The following NYAP2 variants were observed in gnomAD, a reference collection of about 807,000 sequenced individuals.
NYAP2 encodes the protein neuronal tyrosine-phosphorylated phosphoinositide-3-kinase adapter 2.
NYAP2 carries 23 observed loss-of-function variants against 50.4 expected under a neutral mutation model. The observed-to-expected ratio is 0.46, with a 90% CI of 0.33 to 0.65. The LOEUF is 0.65. Among genes scored for constraint, NYAP2 ranks in the 30% least tolerant of loss-of-function variants. The probability of loss-of-function intolerance (pLI) is 0.02; values close to 1 mark genes in which losing one functional copy is unlikely to be tolerated. For synonymous variants in NYAP2, 394 were observed against 365.2 expected (o/e 1.08, Z -0.90); for missense variants, 885 against 861.0 (o/e 1.03, Z -0.35).
intron 3 of NYAP2, among the ~76,000 whole-genome samples, chr2:225,492,026 GC>G (rs1039797119): frequency 2.6e-5 from 4 of 152,192 alleles, no homozygotes; most frequent in Non-Finnish European, 5.9e-5. Context: ...TGAGTCCAGG[GC>G]CTGGGTAGGA....
intron 4 of NYAP2, among the ~76,000 whole-genome samples, chr2:225,525,566 C>T (rs758459106): frequency 2.6e-5 from 4 of 152,048 alleles, no homozygotes; most frequent in Non-Finnish European, 5.9e-5. Context: ...GGGAGCCAAA[C>T]AATGGGTACA....
chr2:225,663,839 A>G, the NYAP2 span, among the ~76,000 whole-genome samples: 94 of 151,168 alleles, frequency 6.2e-4, no homozygotes, highest in African/African-American at 2.1e-3. Flanking sequence ...TACAGATGTG[A>G]ACCACTGCGC....
intron 3 of NYAP2, among the ~76,000 whole-genome samples, chr2:225,505,782 G>A (rs1235669466): frequency 1.3e-5 from 2 of 152,218 alleles, no homozygotes; most frequent in African/African-American, 4.8e-5. Context: ...TTTAGTAGTT[G>A]ATATACCTGA....
chr2:225,429,568 CTT>C (rs976742573), intron 3 of NYAP2, among the ~76,000 whole-genome samples: 1 of 152,032 alleles, frequency 6.6e-6, no homozygotes, highest in African/African-American at 2.4e-5. Flanking sequence ...TAAAATGAAA[CTT>C]TTTTGCATAG....
chr2:225,583,836 C>T (rs1692343779), intron 5 of NYAP2, among the ~76,000 whole-genome samples: 1 of 152,296 alleles, frequency 6.6e-6, no homozygotes, highest in African/African-American at 2.4e-5. Flanking sequence ...GCCAGGCGAT[C>T]AAGACCATCC....
intron 3 of NYAP2, among the ~76,000 whole-genome samples, chr2:225,433,108 T>C (rs751027519): frequency 3.3e-5 from 5 of 152,208 alleles, no homozygotes; most frequent in Non-Finnish European, 7.3e-5. Context: ...AAAAAACCTA[T>C]AAAATGTAAT....
At chr2:225,638,733 C>T (rs552840804) in intron 6 of NYAP2, among the ~76,000 whole-genome samples, 14 of 152,306 alleles carry the variant, frequency 9.2e-5, no homozygotes, top group African/African-American at 3.1e-4. Flanking sequence ...CCTTTCCCAG[C>T]CAGAGGGTGA....
chr2:225,678,032 T>C, the NYAP2 span, among the ~76,000 whole-genome samples: 1 of 152,078 alleles, frequency 6.6e-6, no homozygotes, highest in Non-Finnish European at 1.5e-5. Context: ...TACCTATGAG[T>C]CCATCTGGTC....
At chr2:225,573,469 C>A (rs1037308396) in intron 4 of NYAP2, among the ~76,000 whole-genome samples, 1 of 151,968 alleles carries the variant, frequency 6.6e-6, no homozygotes, top group African/African-American at 2.4e-5. Flanking sequence ...TCAGGCTGGT[C>A]TCGAACTTAT....
At chr2:225,461,071 AT>A (rs1175694979) in intron 3 of NYAP2, among the ~76,000 whole-genome samples, 2 of 148,920 alleles carry the variant, frequency 1.3e-5, no homozygotes, top group African/African-American at 5.0e-5. Flanking sequence ...CATGGTGGGG[AT>A]TGTTCATAAA....
chr2:225,602,029 C>G (rs1226695791), intron 5 of NYAP2, among the ~76,000 whole-genome samples: 1 of 152,132 alleles, frequency 6.6e-6, no homozygotes, highest in Non-Finnish European at 1.5e-5. Context: ...GGAGCATGGG[C>G]ACCAAAGTTG....
rs1002291525 is a variant in NYAP2 at position 225,628,765 on chromosome 2, C to T, written c.1828+1639C>T. 5.3e-5 allele frequency among the ~76,000 whole-genome samples: 8 copies of T among 152,186 alleles called. No homozygotes were observed. In the East Asian group the frequency reaches 1.2e-3, roughly 22 times the overall value. On this transcript the variant is annotated intron_variant, in intron 6 of 6. Transcript: ENST00000636099. ...ATTTGTACCAATTCTATTGAAAATA[C>T]GTGAACAATATATACTTCTATTGTG...
intron 3 of NYAP2, among the ~76,000 whole-genome samples, chr2:225,439,471 G>T (rs1380071646): frequency 2.0e-5 from 3 of 152,200 alleles, no homozygotes; most frequent in Non-Finnish European, 4.4e-5. Context: ...GTGGAGAGTT[G>T]TGGGTCACTA....
At chr2:225,616,443 C>T (rs1692993192) in intron 5 of NYAP2, among the ~76,000 whole-genome samples, 1 of 152,182 alleles carries the variant, frequency 6.6e-6, no homozygotes, top group South Asian at 2.1e-4. Context: ...CAGCACTTGC[C>T]TGGGCTTGTA....
At chr2:225,463,903 C>A (rs201396586) in intron 3 of NYAP2, among the ~76,000 whole-genome samples, 3 of 131,124 alleles carry the variant, frequency 2.3e-5, no homozygotes, top group Non-Finnish European at 4.8e-5. Context: ...CCTGGTTACC[C>A]TCTGGAGCTA....
chr2:225,695,193 T>A, the NYAP2 span, among the ~76,000 whole-genome samples: 1 of 151,822 alleles, frequency 6.6e-6, no homozygotes, highest in Non-Finnish European at 1.5e-5. Context: ...TATACATATA[T>A]GAAATGTTAT....
At chr2:225,702,144 C>A in the NYAP2 span, 6 of 151,510 alleles carry the variant, frequency 4.0e-5, no homozygotes, top group African/African-American at 1.5e-4. Flanking sequence ...TTCACACTTG[C>A]AAAGAAATAG....
intron 3 of NYAP2, among the ~76,000 whole-genome samples, chr2:225,502,383 G>A (rs1559197502): frequency 6.6e-6 from 1 of 152,192 alleles, no homozygotes; most frequent in East Asian, 1.9e-4. Flanking sequence ...AATGGCCACT[G>A]AAGAAGGAAA....
the NYAP2 span, among the ~76,000 whole-genome samples, chr2:225,680,544 A>C: frequency 6.6e-6 from 1 of 152,198 alleles, no homozygotes; most frequent in South Asian, 2.1e-4. Context: ...AACCTTGTAA[A>C]GATAGTCATT....
Sources: gnomAD v4.1 joint callset for allele counts (sites outside exome capture counted in the v4.1 genomes callset) on GRCh38, gnomAD v4.1.1 for gene constraint, MANE v1.5 for transcripts, NCBI Gene and HGNC (gene_info 2026-07-23, HGNC 2026-07-21) for gene names.